Variants in WDR25 observed in about 807,000 individuals in gnomAD.
WDR25 encodes the protein WD repeat domain 25, also known as WD repeat-containing protein 25.
WDR25 carries 35 observed loss-of-function variants against 47.7 expected under a neutral mutation model. That is an observed-to-expected ratio of 0.73 (90% CI 0.56 to 0.97). The LOEUF (loss-of-function observed/expected upper bound fraction) is 0.97. Among genes scored for constraint, WDR25 ranks in the 50% least tolerant of loss-of-function variants. The pLI, the probability that WDR25 is intolerant of heterozygous loss-of-function variation, is 0.00. For synonymous variants in WDR25, 248 were observed against 278.9 expected (o/e 0.89, Z 1.10); for missense variants, 634 against 704.7 (o/e 0.90, Z 1.14).
chr14:100,382,402 C>T (rs1483234785), intron 2 of WDR25, among the ~76,000 whole-genome samples: 1 of 152,108 alleles, frequency 6.6e-6, no homozygotes, highest in African/African-American at 2.4e-5. Context: ...TATGTGTTGG[C>T]TCCAAGCATG....
chr14:100,516,557 A>G (rs920970559), intron 4 of WDR25, among the ~76,000 whole-genome samples: 3 of 152,196 alleles, frequency 2.0e-5, no homozygotes, highest in African/African-American at 7.2e-5. Context: ...TATTAGGTAT[A>G]TACATATTTA....
intron 1 of WDR25, among the ~76,000 whole-genome samples, chr14:100,379,517 A>G (rs1896821220): frequency 6.6e-6 from 1 of 150,854 alleles, no homozygotes; most frequent in Non-Finnish European, 1.5e-5. Context: ...CCTCTCAAGT[A>G]GCTGGGACTA....
intron 3 of WDR25, among the ~76,000 whole-genome samples, chr14:100,475,123 A>G (rs1399276067): frequency 2.0e-5 from 3 of 152,276 alleles, no homozygotes; most frequent in African/African-American, 7.2e-5. Context: ...GCCTATTTTC[A>G]AAAAGACAAA....
intron 2 of WDR25, chr14:100,406,936 T>C (rs1897556354): frequency 6.6e-6 from 1 of 152,424 alleles, no homozygotes; most frequent in South Asian, 2.1e-4. Context: ...TTCATTCCCT[T>C]CTTCCTTCCT....
At chr14:100,405,983 G>T (rs1224029419) in intron 2 of WDR25, among the ~76,000 whole-genome samples, 3 of 152,138 alleles carry the variant, frequency 2.0e-5, no homozygotes, top group African/African-American at 4.8e-5. Flanking sequence ...TTGGGCCTGG[G>T]TCCAGCTCAG....
intron 3 of WDR25, among the ~76,000 whole-genome samples, chr14:100,482,451 T>C (rs1037575906): frequency 1.3e-5 from 2 of 152,232 alleles, no homozygotes; most frequent in African/African-American, 4.8e-5. Context: ...AAAATGTTTA[T>C]AATATGTTGG....
At position 100,529,443 on chromosome 14, in the gene WDR25, A is replaced by G. The variant is rs757539610; in HGVS notation, c.1413+235A>G. ...GAAGCAGTAGTTGGCTCACACAGAC[A>G]GGTCTCAGAAGTGGGGGGCAGGAAC... is the stretch of plus-strand genomic sequence containing the variant. On this transcript the variant is annotated intron_variant, in intron 6 of 6. Transcript: ENST00000402312. The surrounding 1 kb of genome is among the most constrained non-coding windows in gnomAD (Gnocchi z 5.1). 1 of 638,316 alleles carries G rather than the reference A, an allele frequency of 1.6e-6. No homozygotes were observed. The highest frequency in any genetic ancestry group is 2.7e-6 in the Non-Finnish European group (1 of 373,154). The allele number at this position is 638,316 out of a possible 1,614,324, so 39.5% of individuals were successfully genotyped here.
chr14:100,436,895 C>T (rs1898517101), intron 2 of WDR25, among the ~76,000 whole-genome samples: 1 of 152,248 alleles, frequency 6.6e-6, no homozygotes. Flanking sequence ...GTTGGCCCTG[C>T]TTTCAGTTGC....
chr14:100,491,058 G>A (rs761477938), intron 4 of WDR25, among the ~76,000 whole-genome samples: 33 of 152,186 alleles, frequency 2.2e-4, no homozygotes, highest in Non-Finnish European at 1.2e-4. Context: ...AACTGGGGAC[G>A]TGGTGGAGCC....
rs2030104544 is a variant in WDR25, at chr14:100,525,905, CT to C, written c.1139del (p.Leu380TrpfsTer13). ...GCTACAAGGCGACCATCCAGCAGAC[CT>C]TGGACATCCTGTTCCTCCGGGAAGG... ...RSYKATIQQT[L>X]DILFLREGSE... On this transcript the variant is annotated frameshift_variant, in exon 5 of 7. Transcript: ENST00000402312. LOFTEE classifies it high-confidence loss of function. The surrounding 1 kb of genome is among the most constrained non-coding windows in gnomAD (Gnocchi z 4.6). The C allele has an allele frequency of 6.2e-7, 1 of 1,613,842 alleles. No homozygotes were observed. Among genetic ancestry groups the C allele is most frequent in the Admixed American group, 1.7e-5 (1 of 59,990 alleles).
chr14:100,456,360 A>G (rs2140275621), intron 2 of WDR25, among the ~76,000 whole-genome samples: 1 of 152,344 alleles, frequency 6.6e-6, no homozygotes, highest in South Asian at 2.1e-4. Flanking sequence ...CCAAATAAAG[A>G]TTACAAAACA....
At chr14:100,478,163 C>T (rs1054649144) in intron 3 of WDR25, among the ~76,000 whole-genome samples, 3 of 152,200 alleles carry the variant, frequency 2.0e-5, no homozygotes, top group Non-Finnish European at 4.4e-5. Context: ...TGTAAATGAA[C>T]CAATTGTGAA....
chr14:100,476,737 G>C (rs1049733659), intron 3 of WDR25, among the ~76,000 whole-genome samples: 4 of 152,192 alleles, frequency 2.6e-5, no homozygotes, highest in Non-Finnish European at 4.4e-5. Flanking sequence ...CCAGGGTGCC[G>C]TGTGATGCGT....
In WDR25 at chr14:100,449,756, G is replaced by A. The variant is rs961818262; in HGVS notation, c.823-18265G>A. Among the ~76,000 whole-genome samples the A allele has an allele frequency of 1.3e-5, 2 of 152,156 alleles. No homozygotes were observed. The highest frequency in any genetic ancestry group is 1.3e-4 in the Admixed American group (2 of 15,276). ...AGCTCCTTGTCCTGGCTTAGGTGAC[G>A]CCTCCCCTCACTTGTAGAGGTGGCA... On this transcript the variant is annotated intron_variant, in intron 2 of 6. Coordinates refer to ENST00000402312, the MANE Select transcript of WDR25 (RefSeq NM_001161476.3). This position sits in a 1 kb window ranked among gnomAD's most constrained non-coding sequence, Gnocchi z 4.2.
chr14:100,396,078 G>A (rs1345539290), intron 2 of WDR25, among the ~76,000 whole-genome samples: 1 of 147,866 alleles, frequency 6.8e-6, no homozygotes, highest in African/African-American at 2.5e-5. Context: ...CCGGGTTCAT[G>A]ACATTCTCCT....
At chr14:100,421,631 T>C (rs1220491810) in intron 2 of WDR25, among the ~76,000 whole-genome samples, 1 of 152,256 alleles carries the variant, frequency 6.6e-6, no homozygotes, top group Non-Finnish European at 1.5e-5. Context: ...TTTTTTGTTT[T>C]GTAAGGAATG....
intron 4 of WDR25, among the ~76,000 whole-genome samples, chr14:100,485,197 G>A (rs568991686): frequency 4.4e-4 from 66 of 151,356 alleles, no homozygotes; most frequent in Admixed American, 1.5e-3. Flanking sequence ...CCCTGTCATG[G>A]GGCTCTGCTC....
intron 3 of WDR25, among the ~76,000 whole-genome samples, chr14:100,477,157 G>A (rs1026527103): frequency 5.9e-5 from 9 of 152,214 alleles, no homozygotes; most frequent in Non-Finnish European, 1.2e-4. Context: ...GGGCAGCTTG[G>A]AGGAGCCACT....
chr14:100,449,364 A>G lies in WDR25; in HGVS notation c.823-18657A>G, dbSNP rs1898947380. 1.3e-5 allele frequency among the ~76,000 whole-genome samples: 2 copies of G among 152,182 alleles called. No individual in the cohort carries two copies. The highest frequency in any genetic ancestry group is 2.9e-5 in the Non-Finnish European group (2 of 68,036). On this transcript the variant is annotated intron_variant, in intron 2 of 6. Coordinates refer to ENST00000402312, the MANE Select transcript of WDR25 (RefSeq NM_001161476.3). The surrounding 1 kb of genome is among the most constrained non-coding windows in gnomAD (Gnocchi z 4.2). ...GCTGCCCCGGGAGGCCTCCTTTGGG[A>G]GCAGAGACAGCCTGGCACTGGCCTG...
Sources: gnomAD v4.1 joint callset for allele counts (sites outside exome capture counted in the v4.1 genomes callset) on GRCh38, gnomAD v4.1.1 for gene constraint, Gnocchi (gnomAD v3.1) non-coding constraint, MANE v1.5 for transcripts, NCBI Gene and HGNC (gene_info 2026-07-23, HGNC 2026-07-21) for gene names.